Variants in WDR37 observed in about 807,000 individuals in gnomAD.
WDR37 encodes WD repeat domain 37, also known as WD repeat-containing protein 37.
WDR37 carries 19 observed loss-of-function variants against 62.9 expected under a neutral mutation model. The observed-to-expected ratio is 0.30, with a 90% CI of 0.21 to 0.44. WDR37 has a LOEUF of 0.44. Ranked by LOEUF, WDR37 falls within the 20% of genes least tolerant of loss-of-function variation. WDR37 has a pLI of 1.00. For synonymous variants in WDR37, 250 were observed against 260.9 expected (o/e 0.96, Z 0.40); for missense variants, 474 against 657.6 (o/e 0.72, Z 3.05).
chr10:1,098,142 C>T (rs1334515190), intron 9 of WDR37, among the ~76,000 whole-genome samples: 1 of 152,098 alleles, frequency 6.6e-6, no homozygotes, highest in Non-Finnish European at 1.5e-5. Flanking sequence ...AGCCCTAACC[C>T]CCAGTGTGGC....
At chr10:1,082,020 T>C (rs1471723901) in intron 5 of WDR37, among the ~76,000 whole-genome samples, 3 of 152,230 alleles carry the variant, frequency 2.0e-5, no homozygotes, top group African/African-American at 7.2e-5. Context: ...GTACTAGAAA[T>C]TCATCTGAAT....
rs1469899583 is a variant in WDR37, at chr10:1,084,443, G to T, written c.437G>T (p.Cys146Phe). 3.1e-6 allele frequency: 5 copies of T among 1,614,078 alleles called. No homozygotes were observed. The highest frequency in any genetic ancestry group is 4.2e-6 in the Non-Finnish European group (5 of 1,180,018). The change falls in exon 6 of 14, where the codon TGC becomes TTC. Residue 146 changes from cysteine to phenylalanine, a missense_variant. Coordinates refer to ENST00000263150, the MANE Select transcript of WDR37 (RefSeq NM_014023.4). ...AAGACCACGACATCGAGAGCTGCCT[G>T]CCAGCTCGTGAAGGAGTACATCGGC... ...SFKTTTSRAACQLVKEYIGHR... is the reference protein window; with the variant it reads ...SFKTTTSRAAFQLVKEYIGHR...
intron 1 of WDR37, among the ~76,000 whole-genome samples, chr10:1,065,592 A>G (rs1833513259): frequency 6.6e-6 from 1 of 152,132 alleles, no homozygotes; most frequent in African/African-American, 2.4e-5. Context: ...GTAGGTAAAA[A>G]AAAAAAGCTA....
At chr10:1,077,872 C>G (rs981807079) in intron 2 of WDR37, 35 bp from the exon 3 acceptor site, 1 of 1,487,174 alleles carries the variant, frequency 6.7e-7, no homozygotes, top group African/African-American at 1.4e-5. Context: ...GTTTTTCATT[C>G]ATTCATTCAT....
Position 1,056,812 on chromosome 10 carries a change from C to A in WDR37, c.-197C>A, listed in dbSNP as rs1006776263. 1 of 152,198 alleles carries A rather than the reference C, an allele frequency of 6.6e-6. No homozygotes were observed. The highest frequency in any genetic ancestry group is 1.5e-5 in the Non-Finnish European group (1 of 68,102). The allele number at this position is 152,198 out of a possible 1,614,324, so 9.4% of individuals were successfully genotyped here. A position where few individuals can be genotyped will look rare whatever the true frequency, so the allele number is the denominator to read the frequency against. The stretch of plus-strand genomic sequence containing the variant: ...GGGACTTCCGGCGACACCGGAAGTG[C>A]ATTAGCGCCAGGTTGGGGTTGTGGG... On this transcript the variant is annotated 5_prime_UTR_variant, in exon 1 of 14. Transcript: ENST00000263150.
chr10:1,073,731 C>T (rs1256540796), intron 2 of WDR37, among the ~76,000 whole-genome samples: 1 of 152,190 alleles, frequency 6.6e-6, no homozygotes, highest in African/African-American at 2.4e-5. Flanking sequence ...CCTCCTGAGG[C>T]CTCTGTCTGT....
At chr10:1,092,947 A>G (rs963580813) in intron 7 of WDR37, among the ~76,000 whole-genome samples, 4 of 150,450 alleles carry the variant, frequency 2.7e-5, no homozygotes, top group Admixed American at 2.0e-4. Flanking sequence ...GGAGGACATC[A>G]TAGACTGTGT....
chr10:1,096,468 C>G, intron 9 of WDR37: 2 of 580,490 alleles, frequency 3.4e-6, no homozygotes, highest in East Asian at 2.9e-5. Context: ...CAGTGGAGAG[C>G]TCACCTGTGT....
At chr10:1,070,650 A>G (rs924806419) in intron 1 of WDR37, among the ~76,000 whole-genome samples, 1 of 152,224 alleles carries the variant, frequency 6.6e-6, no homozygotes, top group Non-Finnish European at 1.5e-5. Context: ...TATAATTAGA[A>G]TGCTTAATAA....
At chr10:1,108,589 C>G (rs1439747671) in intron 11 of WDR37, among the ~76,000 whole-genome samples, 1 of 152,238 alleles carries the variant, frequency 6.6e-6, no homozygotes, top group Non-Finnish European at 1.5e-5. Flanking sequence ...CATTGTTACG[C>G]TGAGTCCTGC....
At chr10:1,098,138 A>G (rs1452972763) in intron 9 of WDR37, among the ~76,000 whole-genome samples, 1 of 152,160 alleles carries the variant, frequency 6.6e-6, no homozygotes, top group African/African-American at 2.4e-5. Flanking sequence ...TTGAAGCCCT[A>G]ACCCCCAGTG....
At chr10:1,072,410 G>A in intron 2 of WDR37, 117 bp downstream of exon 2, 1 of 1,387,890 alleles carries the variant, frequency 7.2e-7, no homozygotes, top group Middle Eastern at 2.4e-4. Context: ...CACCTCCTGG[G>A]TGGAAGTGAT....
chr10:1,100,349 G>A (rs566759177), intron 9 of WDR37, among the ~76,000 whole-genome samples: 8 of 152,294 alleles, frequency 5.3e-5, no homozygotes, highest in African/African-American at 1.9e-4. Flanking sequence ...GCCTGTGGAC[G>A]GCCAGGTCCC....
intron 2 of WDR37, among the ~76,000 whole-genome samples, chr10:1,076,818 G>A (rs1289459812): frequency 4.0e-5 from 6 of 151,308 alleles, no homozygotes; most frequent in South Asian, 2.1e-4. Flanking sequence ...TGAGGCGGGC[G>A]GATCATGAGG....
intron 10 of WDR37, among the ~76,000 whole-genome samples, chr10:1,104,423 G>C (rs68128658): frequency 0.13 from 20,431 of 152,260 alleles, 1,565 homozygotes; most frequent in Middle Eastern, 0.2. Context: ...CACAGCAGCC[G>C]CTTTCCTCTG....
chr10:1,090,954 T>C (rs1176913888), intron 7 of WDR37, among the ~76,000 whole-genome samples: 3 of 152,198 alleles, frequency 2.0e-5, no homozygotes, highest in Admixed American at 2.0e-4. Context: ...AGCCGGCCTG[T>C]TGACCGTCCA....
chr10:1,066,333 G>A lies in WDR37; in HGVS notation c.-40-5783G>A, dbSNP rs183590214. Among the ~76,000 whole-genome samples the A allele has an allele frequency of 2.0e-4, 30 of 152,282 alleles. 2 individuals carry two copies. The highest frequency in any genetic ancestry group is 7.7e-4 in the East Asian group (4 of 5,180). ...GGGTTTCACCGTGTTAGCTAGGATGGTCTCGAAGTCCTGACCTTGTGATCC... is the reference window on the plus strand; with the variant it reads ...GGGTTTCACCGTGTTAGCTAGGATGATCTCGAAGTCCTGACCTTGTGATCC... On this transcript the variant is annotated intron_variant, in intron 1 of 13. Transcript: ENST00000263150.
chr10:1,066,393 G>A (rs1833551630), intron 1 of WDR37, among the ~76,000 whole-genome samples: 5 of 152,216 alleles, frequency 3.3e-5, no homozygotes. Context: ...TGGGATTATA[G>A]GCGTGAGCCA....
intron 3 of WDR37, 117 bp from the exon 4 acceptor site, chr10:1,079,894 T>A: frequency 2.7e-6 from 2 of 732,922 alleles, no homozygotes; most frequent in Non-Finnish European, 4.5e-6. Context: ...ATTATTCATG[T>A]CTTTGTTTAT....
Sources: gnomAD v4.1 joint callset for allele counts (sites outside exome capture counted in the v4.1 genomes callset) on GRCh38, gnomAD v4.1.1 for gene constraint, MANE v1.5 for transcripts, NCBI Gene and HGNC (gene_info 2026-07-23, HGNC 2026-07-21) for gene names.